Variants in TP53BP2 observed in about 807,000 individuals in gnomAD.
TP53BP2 encodes apoptosis-stimulating of p53 protein 2.
TP53BP2 carries 62 observed loss-of-function variants against 126.2 expected under a neutral mutation model. That is an observed-to-expected ratio of 0.49 (90% CI 0.40 to 0.61). The LOEUF is 0.61. TP53BP2 is among the 20% of genes least tolerant of loss of function. TP53BP2 has a pLI of 0.00. For synonymous variants in TP53BP2, 485 were observed against 502.9 expected (o/e 0.96, Z 0.48); for missense variants, 1,215 against 1,402.8 (o/e 0.87, Z 2.14).
intron 1 of TP53BP2, among the ~76,000 whole-genome samples, chr1:223,826,909 T>C (rs1663515858): frequency 6.6e-6 from 1 of 152,130 alleles, no homozygotes; most frequent in Admixed American, 6.5e-5. Flanking sequence ...GGATTATTAT[T>C]TGAAGATAGA....
intron 1 of TP53BP2, chr1:223,845,392 G>A: frequency 2.0e-6 from 1 of 488,836 alleles, no homozygotes; most frequent in Non-Finnish European, 2.7e-6. Context: ...CTCGCGGGCG[G>A]CTCGCCTGAC....
chr1:223,806,525 TA>T (rs1662723969), intron 5 of TP53BP2, among the ~76,000 whole-genome samples: 1 of 152,094 alleles, frequency 6.6e-6, no homozygotes, highest in African/African-American at 2.4e-5. Flanking sequence ...TTAGCTCTTT[TA>T]AAAGAAGATA....
intron 2 of TP53BP2, among the ~76,000 whole-genome samples, chr1:223,818,941 T>C (rs1663194345): frequency 2.0e-5 from 3 of 151,460 alleles, no homozygotes; most frequent in African/African-American, 7.3e-5. Context: ...TCCCAGCACT[T>C]TGGGAGGCCG....
At chr1:223,806,462 T>C (rs1287520638) in intron 5 of TP53BP2, among the ~76,000 whole-genome samples, 1 of 152,154 alleles carries the variant, frequency 6.6e-6, no homozygotes, top group East Asian at 1.9e-4. Flanking sequence ...GTAATTGGCT[T>C]AATGGGGGTA....
Position 223,792,480 on chromosome 1 carries a change from G to A in TP53BP2, c.2905C>T (p.Leu969Phe). 1 of 1,614,084 alleles carries A rather than the reference G, an allele frequency of 6.2e-7. No individual in the cohort carries two copies. Among genetic ancestry groups the A allele is most frequent in the Non-Finnish European group, 8.5e-7 (1 of 1,179,966 alleles). Residue 969 changes from leucine to phenylalanine, a missense_variant, in exon 15 of 18, where the codon CTT (leucine) becomes TTT (phenylalanine). By Grantham distance (22) the Leu-to-Phe change is conservative. Transcript: ENST00000343537. ...SLPNDEGITALHNAVCAGHTE... is the reference protein window; with the variant it reads ...SLPNDEGITAFHNAVCAGHTE... ...TGGCCTGCACACACAGCATTGTGAA[G>A]AGCCGTGATGCCTTCATCATTGGGG...
Position 223,780,756 on chromosome 1 carries a change from T to G in TP53BP2, c.*97A>C. The G allele has an allele frequency of 1.7e-6, 2 of 1,186,896 alleles. No homozygotes were observed. The highest frequency in any genetic ancestry group is 1.3e-5 in the South Asian group (1 of 74,844). 73.5% of individuals were successfully genotyped at this position (1,186,896 alleles called of 1,614,324 possible). On this transcript the variant is annotated 3_prime_UTR_variant, in exon 18 of 18. Coordinates refer to ENST00000343537, the MANE Select transcript of TP53BP2 (RefSeq NM_001031685.3). ...TCATCGCTTTCAAGCTACATTGTCA[T>G]TAAAATAAGTCTTGTGAAATTTTTG... is the stretch of plus-strand genomic sequence containing the variant.
At chr1:223,826,882 T>C (rs1043515583) in intron 1 of TP53BP2, among the ~76,000 whole-genome samples, 5 of 152,056 alleles carry the variant, frequency 3.3e-5, no homozygotes, top group Admixed American at 3.3e-4. Context: ...GCAAAGGTGG[T>C]GAAAATGGCT....
chr1:223,808,800 A>C (rs756544920), intron 4 of TP53BP2, among the ~76,000 whole-genome samples: 2 of 152,102 alleles, frequency 1.3e-5, no homozygotes, highest in Non-Finnish European at 2.9e-5. Context: ...AAAATTGGGC[A>C]AAAGATTTGA....
chr1:223,797,780 A>ATGTG (rs34287817), intron 12 of TP53BP2, among the ~76,000 whole-genome samples: 1 of 151,208 alleles, frequency 6.6e-6, no homozygotes, highest in Admixed American at 6.6e-5. Flanking sequence ...TATGTGTGTG[A>ATGTG]TGTGTGTGTG....
intron 5 of TP53BP2, among the ~76,000 whole-genome samples, chr1:223,804,713 A>G (rs753747522): frequency 1.3e-5 from 2 of 152,210 alleles, no homozygotes; most frequent in Non-Finnish European, 2.9e-5. Context: ...TAAATGCACA[A>G]GATTTGGAGT....
chr1:223,789,249 A>G, intron 15 of TP53BP2, 75 bp from the exon 16 acceptor site: 1 of 1,543,086 alleles, frequency 6.5e-7, no homozygotes, highest in South Asian at 1.2e-5. Flanking sequence ...ATCTGGAAAG[A>G]AAGTTCTTGA....
intron 1 of TP53BP2, among the ~76,000 whole-genome samples, chr1:223,824,520 T>G (rs918727078): frequency 1.3e-5 from 2 of 152,186 alleles, no homozygotes; most frequent in African/African-American, 4.8e-5. Context: ...TTCTTCATAA[T>G]TAGTTAGACT....
chr1:223,832,214 A>G (rs1663759726), intron 1 of TP53BP2, among the ~76,000 whole-genome samples: 1 of 152,252 alleles, frequency 6.6e-6, no homozygotes, highest in South Asian at 2.1e-4. Flanking sequence ...GCACCTTCAG[A>G]GTTTTCATTT....
chr1:223,821,826 T>C (rs976279783), intron 1 of TP53BP2, among the ~76,000 whole-genome samples: 2 of 152,162 alleles, frequency 1.3e-5, no homozygotes, highest in African/African-American at 4.8e-5. Flanking sequence ...GGAACAGAGC[T>C]TGTGGGGCAG....
At chr1:223,832,448 C>T (rs1440781963) in intron 1 of TP53BP2, among the ~76,000 whole-genome samples, 1 of 152,148 alleles carries the variant, frequency 6.6e-6, no homozygotes, top group Non-Finnish European at 1.5e-5. Context: ...AAAACTATTA[C>T]TTCAGTTTCT....
chr1:223,803,800 G>A (rs1225860512), intron 6 of TP53BP2, among the ~76,000 whole-genome samples: 2 of 152,118 alleles, frequency 1.3e-5, no homozygotes, highest in African/African-American at 4.8e-5. Context: ...AATAGATGGA[G>A]CTATTATATG....
chr1:223,816,188 T>C (rs1021628063), intron 2 of TP53BP2, among the ~76,000 whole-genome samples: 5 of 152,204 alleles, frequency 3.3e-5, no homozygotes, highest in African/African-American at 1.2e-4. Flanking sequence ...TTTCTCTTTG[T>C]GCCCTGTAAG....
intron 1 of TP53BP2, among the ~76,000 whole-genome samples, chr1:223,834,678 A>C (rs942323912): frequency 6.6e-6 from 1 of 152,164 alleles, no homozygotes; most frequent in Non-Finnish European, 1.5e-5. Flanking sequence ...CCAAATGAGG[A>C]ATCTAAAATA....
intron 1 of TP53BP2, among the ~76,000 whole-genome samples, chr1:223,844,240 T>C (rs1558115352): frequency 6.6e-6 from 1 of 152,338 alleles, no homozygotes; most frequent in Admixed American, 6.5e-5. Flanking sequence ...CTAAATTGAA[T>C]ATAGTCTCAA....
Sources: gnomAD v4.1 joint callset for allele counts (sites outside exome capture counted in the v4.1 genomes callset) on GRCh38, gnomAD v4.1.1 for gene constraint, MANE v1.5 for transcripts, NCBI Gene and HGNC (gene_info 2026-07-23, HGNC 2026-07-21) for gene names.